Variants in FTO observed in about 807,000 individuals in gnomAD.
The protein encoded by FTO is alpha-ketoglutarate-dependent dioxygenase FTO.
A neutral mutation model predicts 63.9 loss-of-function variants in FTO; 47 were observed. The observed-to-expected ratio is 0.74, with a 90% confidence interval of 0.58 to 0.94. The LOEUF is 0.94. FTO is among the 40% of genes least tolerant of loss of function. The pLI, the probability that FTO is intolerant of heterozygous loss-of-function variation, is 0.00. For synonymous variants in FTO, 207 were observed against 224.4 expected, an observed-to-expected ratio of 0.92 and a Z score of 0.69; for missense variants, 562 against 618.1, an observed-to-expected ratio of 0.91 and a Z score of 0.96.
At chr16:54,093,964 C>T (rs1386306119) in intron 8 of FTO, among the ~76,000 whole-genome samples, 2 of 152,104 alleles carry the variant, frequency 1.3e-5, no homozygotes, top group East Asian at 1.9e-4. Flanking sequence ...GTGGCTGTCT[C>T]AGTTTGACAG....
intron 8 of FTO, among the ~76,000 whole-genome samples, chr16:54,076,759 A>G (rs2086003329): frequency 6.6e-6 from 1 of 152,200 alleles, no homozygotes; most frequent in African/African-American, 2.4e-5. Flanking sequence ...GCATCCCTGT[A>G]TCATTTCATT....
intron 4 of FTO, among the ~76,000 whole-genome samples, chr16:53,861,121 G>T (rs967511065): frequency 1.3e-5 from 2 of 152,010 alleles, no homozygotes; most frequent in African/African-American, 4.8e-5. Context: ...TATATATATT[G>T]CTACAGTGAA....
At chr16:53,776,114 C>T (rs948463523) in intron 1 of FTO, among the ~76,000 whole-genome samples, 1 of 152,106 alleles carries the variant, frequency 6.6e-6, no homozygotes, top group Non-Finnish European at 1.5e-5. Context: ...TTGCTTTGAG[C>T]AAACTAATGC....
At chr16:53,998,421 T>C (rs113467964) in intron 8 of FTO, 1 of 152,218 alleles carries the variant, frequency 6.6e-6, no homozygotes, top group African/African-American at 2.4e-5. Context: ...CAGGAGAAGG[T>C]AGGCCTCTCA....
chr16:53,734,141 G>T (rs1047652888), intron 1 of FTO, among the ~76,000 whole-genome samples: 9 of 152,202 alleles, frequency 5.9e-5, no homozygotes, highest in African/African-American at 2.2e-4. Flanking sequence ...GAAATTCTCT[G>T]CCAGACCTTT....
Position 53,996,145 on chromosome 16 carries a change from A to G in FTO, c.1364+62036A>G, listed in dbSNP as rs142721149. ...AGGATAGAAAGAGCCTGGGTCCACA[A>G]TGACCAACCTTGAAACCTCCCATTT... On this transcript the variant is annotated intron_variant, in intron 8 of 8. Transcript: ENST00000471389. Among the ~76,000 whole-genome samples the G allele has an allele frequency of 2.0e-5, 3 of 152,306 alleles. No homozygotes were observed. The East Asian group carries it at 5.8e-4, about 29-fold the overall frequency.
chr16:54,067,146 T>C (rs1406676995), intron 8 of FTO, among the ~76,000 whole-genome samples: 4 of 150,724 alleles, frequency 2.7e-5, no homozygotes, highest in South Asian at 2.1e-4. Flanking sequence ...GTTGTTTTTT[T>C]TTTGTTTTCT....
rs559078009 is a variant in FTO, at chr16:53,906,901, A to G, written c.1239+17950A>G. Among the ~76,000 whole-genome samples, 479 of 152,288 alleles carry G rather than the reference A, an allele frequency of 3.1e-3. 3 individuals are homozygous for G. Among genetic ancestry groups the G allele is most frequent in the African/African-American group, 0.011 (459 of 41,560 alleles). On this transcript the variant is annotated intron_variant, in intron 7 of 8. Coordinates refer to ENST00000471389, the MANE Select transcript of FTO (RefSeq NM_001080432.3). ...CTTGAAACTTCCCTCTCTCCACCCC[A>G]GGTACCCTGTGGGAGAACTCTTACC...
chr16:53,825,320 G>A (rs538955916), intron 2 of FTO, among the ~76,000 whole-genome samples: 1 of 152,168 alleles, frequency 6.6e-6, no homozygotes, highest in Admixed American at 6.5e-5. Context: ...TTGGTGTCCA[G>A]GGGCTTTAAA....
At chr16:53,976,330 T>C (rs535101221) in intron 8 of FTO, among the ~76,000 whole-genome samples, 1 of 152,272 alleles carries the variant, frequency 6.6e-6, no homozygotes, top group African/African-American at 2.4e-5. Context: ...GGATTAACTT[T>C]ATTATTAGGT....
At chr16:53,712,068 G>A (rs2075788495) in intron 1 of FTO, among the ~76,000 whole-genome samples, 1 of 152,110 alleles carries the variant, frequency 6.6e-6, no homozygotes, top group Admixed American at 6.5e-5. Context: ...ACTCCAGGCT[G>A]GGCAACAGAG....
chr16:53,739,552 C>T (rs1346545441), intron 1 of FTO, among the ~76,000 whole-genome samples: 1 of 152,044 alleles, frequency 6.6e-6, no homozygotes, highest in East Asian at 1.9e-4. Context: ...AGGCAACAGA[C>T]AGATTAAATG....
At chr16:53,834,900 A>C (rs1016302633) in intron 3 of FTO, among the ~76,000 whole-genome samples, 3 of 152,162 alleles carry the variant, frequency 2.0e-5, no homozygotes, top group Non-Finnish European at 2.9e-5. Flanking sequence ...CTACACATGT[A>C]CACGCTTCTG....
At chr16:54,076,461 TAGC>T (rs1170031559) in intron 8 of FTO, among the ~76,000 whole-genome samples, 1 of 152,210 alleles carries the variant, frequency 6.6e-6, no homozygotes, top group East Asian at 1.9e-4. Flanking sequence ...GGGAAAAGAA[TAGC>T]AGGAAATCAT....
At chr16:54,104,673 A>G (rs1367033292) in intron 8 of FTO, among the ~76,000 whole-genome samples, 8 of 152,180 alleles carry the variant, frequency 5.3e-5, no homozygotes, top group African/African-American at 1.9e-4. Context: ...ATGCATTATC[A>G]TGTAGCTGAT....
chr16:53,933,403 A>T (rs1210294571), intron 7 of FTO, among the ~76,000 whole-genome samples: 1 of 152,220 alleles, frequency 6.6e-6, no homozygotes, highest in Admixed American at 6.5e-5. Context: ...CATTCAAAGA[A>T]ATGGTCTTTC....
intron 8 of FTO, among the ~76,000 whole-genome samples, chr16:53,934,798 C>G (rs952887934): frequency 6.6e-5 from 10 of 152,160 alleles, no homozygotes; most frequent in Non-Finnish European, 1.5e-5. Flanking sequence ...GACGGGACCA[C>G]TGACATATAT....
chr16:53,755,641 C>A lies in FTO; in HGVS notation c.45+51412C>A, dbSNP rs538039326. Among the ~76,000 whole-genome samples the A allele has an allele frequency of 2.0e-5, 3 of 152,324 alleles. No individual in the cohort carries two copies. In the East Asian group the frequency reaches 5.8e-4, roughly 29 times the overall value. ...CCTTCTTGCTTCTTTGAGTCATGGA[C>A]TTTTCAGGCTGGACTGCTGCCCAAA... On this transcript the variant is annotated intron_variant, in intron 1 of 8. Coordinates refer to ENST00000471389, the MANE Select transcript of FTO (RefSeq NM_001080432.3).
chr16:54,109,651 A>T (rs1196986855), intron 8 of FTO, among the ~76,000 whole-genome samples: 2 of 152,202 alleles, frequency 1.3e-5, no homozygotes, highest in Non-Finnish European at 2.9e-5. Context: ...TCCTTTGATG[A>T]GAAGAACAAC....
Sources: allele counts gnomAD v4.1 joint callset (sites outside exome capture counted in the v4.1 genomes callset), GRCh38; gene constraint gnomAD v4.1.1; transcripts MANE v1.5; gene names NCBI Gene and HGNC (gene_info 2026-07-23, HGNC 2026-07-21).